The following CDK6 variants were observed in gnomAD, a reference collection of about 807,000 sequenced individuals.
CDK6 encodes the protein cyclin-dependent kinase 6.
Under a neutral mutation model 37.1 loss-of-function variants are expected in CDK6, and 6 were observed. The ratio of observed to expected loss-of-function variants is 0.16; its 90% CI spans 0.09 to 0.32. The LOEUF (loss-of-function observed/expected upper bound fraction) is 0.32. Among genes scored for constraint, CDK6 ranks in the 10% least tolerant of loss-of-function variants. CDK6 has a pLI of 1.00. For missense variants in CDK6, 224 were observed against 418.9 expected (o/e 0.53, Z 4.06); for synonymous variants, 160 against 161.3 (o/e 0.99, Z 0.06).
chr7:92,778,258 C>A (rs1799898755), intron 2 of CDK6, among the ~76,000 whole-genome samples: 1 of 152,166 alleles, frequency 6.6e-6, no homozygotes, highest in South Asian at 2.1e-4. Flanking sequence ...GTGAATTATA[C>A]AACTCCATTA....
chr7:92,619,922 G>C (rs985923934), intron 6 of CDK6, among the ~76,000 whole-genome samples: 4 of 152,094 alleles, frequency 2.6e-5, no homozygotes, highest in African/African-American at 9.7e-5. Flanking sequence ...ATTATGAAAA[G>C]AAATGCACGT....
rs534303121 is a variant in CDK6 at position 92,611,205 on chromosome 7, C to G, written c.*3935G>C. The G allele has an allele frequency of 4.4e-6, 1 of 227,084 alleles. No homozygotes were observed. Among genetic ancestry groups the G allele is most frequent in the African/African-American group, 2.2e-5 (1 of 45,100 alleles). The allele number at this position is 227,084 out of a possible 1,614,324, so 14.1% of individuals were successfully genotyped here. On this transcript the variant is annotated 3_prime_UTR_variant, in exon 8 of 8. Coordinates refer to ENST00000424848, the MANE Select transcript of CDK6 (RefSeq NM_001145306.2). Reference sequence around the variant, plus strand: ...AGCCTTAGAAATCATACATCTTTATCTGTCACAATGTGAAACATGCATTCT... The same window carrying G: ...AGCCTTAGAAATCATACATCTTTATGTGTCACAATGTGAAACATGCATTCT...
intron 5 of CDK6, among the ~76,000 whole-genome samples, chr7:92,623,847 A>G (rs999971898): frequency 6.6e-6 from 1 of 152,184 alleles, no homozygotes; most frequent in African/African-American, 2.4e-5. Context: ...TGCAGTTACT[A>G]AACATTTTAT....
chr7:92,807,682 A>T (rs1190249228), intron 2 of CDK6, among the ~76,000 whole-genome samples: 2 of 152,034 alleles, frequency 1.3e-5, no homozygotes, highest in East Asian at 3.9e-4. Flanking sequence ...CCATAAATAA[A>T]TTTAAAAAGT....
intron 2 of CDK6, among the ~76,000 whole-genome samples, chr7:92,791,646 A>C (rs1800283923): frequency 6.6e-6 from 1 of 152,114 alleles, no homozygotes; most frequent in East Asian, 1.9e-4. Context: ...TAAGAATTGT[A>C]AAAAAGTTCA....
chr7:92,775,210 T>C (rs1799820355), intron 2 of CDK6, among the ~76,000 whole-genome samples: 1 of 152,208 alleles, frequency 6.6e-6, no homozygotes, highest in Non-Finnish European at 1.5e-5. Context: ...GTTTGAGAAT[T>C]ACTAGAGATA....
rs922874689 is a variant in CDK6 at position 92,671,539 on chromosome 7, C to A, written c.538-4G>T. The A allele has an allele frequency of 1.5e-5, 23 of 1,538,930 alleles. No homozygotes were observed. Among genetic ancestry groups the A allele is most frequent in the Non-Finnish European group, 1.8e-5 (21 of 1,141,458 alleles). ...CTCTGTACCACAGCGTGACGACCTG[C>A]AATGGCAAGCGGATCCAAGTGTTAC... On this transcript the variant is annotated splice_polypyrimidine_tract_variant and splice_region_variant and intron_variant, in intron 4 of 7. Transcript: ENST00000424848.
chr7:92,798,881 T>C, intron 2 of CDK6, among the ~76,000 whole-genome samples: 1 of 152,210 alleles, frequency 6.6e-6, no homozygotes, highest in East Asian at 1.9e-4. Context: ...TCTTCTTCTA[T>C]ATGGATCTTC....
Position 92,695,756 on chromosome 7 carries a change from G to T in CDK6, c.538-24221C>A, listed in dbSNP as rs78431470. Reference sequence around the variant, plus strand: ...GGGAGCCAATGTTTACAATCCCCTGGGTGGGGAAGGCAGGCTGAAAGGCTC... The same window carrying T: ...GGGAGCCAATGTTTACAATCCCCTGTGTGGGGAAGGCAGGCTGAAAGGCTC... On this transcript the variant is annotated intron_variant, in intron 4 of 7. Transcript: ENST00000424848. Among the ~76,000 whole-genome samples, 559 of 152,326 alleles carry T rather than the reference G, an allele frequency of 3.7e-3. 33 individuals are homozygous for T. In the East Asian group the frequency reaches 0.086, roughly 24 times the overall value.
chr7:92,761,638 T>C (rs1298268375), intron 3 of CDK6, among the ~76,000 whole-genome samples: 1 of 152,190 alleles, frequency 6.6e-6, no homozygotes, highest in Non-Finnish European at 1.5e-5. Context: ...ATATTCTAAA[T>C]GTGGAAGAAA....
rs1178166358 is a variant in CDK6 at position 92,835,139 on chromosome 7, C to T, written c.-368+1339G>A. The T allele has an allele frequency of 6.6e-6, 1 of 152,270 alleles. No homozygotes were observed. Among genetic ancestry groups the T allele is most frequent in the Non-Finnish European group, 1.5e-5 (1 of 68,086 alleles). The allele number at this position is 152,270 out of a possible 1,614,324, so 9.4% of individuals were successfully genotyped here. On this transcript the variant is annotated intron_variant, in intron 1 of 7. Coordinates refer to ENST00000424848, the MANE Select transcript of CDK6 (RefSeq NM_001145306.2). The surrounding 1 kb of genome is among the most constrained non-coding windows in gnomAD (Gnocchi z 4.2). The stretch of plus-strand genomic sequence containing the variant: ...CGGCGAGAGCAGAGCTTCTGGCACT[C>T]ACTACATTCAGAACTTTCCTTAAAA...
At chr7:92,813,884 GA>G (rs1305836212) in intron 2 of CDK6, among the ~76,000 whole-genome samples, 1 of 151,490 alleles carries the variant, frequency 6.6e-6, no homozygotes, top group South Asian at 2.1e-4. Flanking sequence ...GACTTCATAG[GA>G]AAAAAAAGTC....
At chr7:92,683,368 G>C (rs1015008683) in intron 4 of CDK6, among the ~76,000 whole-genome samples, 10 of 152,196 alleles carry the variant, frequency 6.6e-5, no homozygotes, top group African/African-American at 1.9e-4. Context: ...CAGGTTGCAA[G>C]CAAACCTACT....
chr7:92,749,008 G>A (rs945084237), intron 3 of CDK6, among the ~76,000 whole-genome samples: 2 of 152,090 alleles, frequency 1.3e-5, no homozygotes. Flanking sequence ...AGACTAGCCT[G>A]ACCAACATGG....
At chr7:92,803,380 TA>T (rs1800639195) in intron 2 of CDK6, among the ~76,000 whole-genome samples, 1 of 152,198 alleles carries the variant, frequency 6.6e-6, no homozygotes, top group Non-Finnish European at 1.5e-5. Flanking sequence ...ACGTTAGTAC[TA>T]AAGTTTTCAG....
At chr7:92,756,849 T>C (rs966388180) in intron 3 of CDK6, among the ~76,000 whole-genome samples, 5 of 152,188 alleles carry the variant, frequency 3.3e-5, no homozygotes, top group Admixed American at 6.5e-5. Flanking sequence ...GGAGTATGCA[T>C]ACCCACCTCC....
Position 92,833,369 on chromosome 7 carries a change from G to T in CDK6, c.-46C>A. 1 of 1,416,740 alleles carries T rather than the reference G, an allele frequency of 7.1e-7. No individual in the cohort carries two copies. The highest frequency in any genetic ancestry group is 1.5e-5 in the African/African-American group (1 of 68,932). 87.8% of individuals were successfully genotyped at this position (1,416,740 alleles called of 1,614,324 possible). A position where few individuals can be genotyped will look rare whatever the true frequency, so the allele number is the denominator to read the frequency against. Reference sequence around the variant, plus strand: ...CGCGGCGCCGCTGGGGCGGGCGGGGGGTGCGCTCAACTAGCTGGCGGCCGC... The same window carrying T: ...CGCGGCGCCGCTGGGGCGGGCGGGGTGTGCGCTCAACTAGCTGGCGGCCGC... On this transcript the variant is annotated 5_prime_UTR_variant, in exon 2 of 8. Coordinates refer to ENST00000424848, the MANE Select transcript of CDK6 (RefSeq NM_001145306.2). The surrounding 1 kb of genome is among the most constrained non-coding windows in gnomAD (Gnocchi z 6.1).
intron 4 of CDK6, among the ~76,000 whole-genome samples, chr7:92,722,922 T>G (rs1798401253): frequency 1.3e-5 from 2 of 152,196 alleles, no homozygotes; most frequent in Non-Finnish European, 2.9e-5. Flanking sequence ...CAGTGGCTTA[T>G]GCCTGTAATC....
chr7:92,738,410 C>T (rs1162751026), intron 3 of CDK6, among the ~76,000 whole-genome samples: 1 of 152,152 alleles, frequency 6.6e-6, no homozygotes, highest in Non-Finnish European at 1.5e-5. Context: ...GAGGCCATGG[C>T]AGGCAGATCA....
Sources: allele counts gnomAD v4.1 joint callset (sites outside exome capture counted in the v4.1 genomes callset), GRCh38; gene constraint gnomAD v4.1.1; non-coding constraint Gnocchi (gnomAD v3.1); transcripts MANE v1.5; gene names NCBI Gene and HGNC (gene_info 2026-07-23, HGNC 2026-07-21).